The following CACNA2D4 variants were observed in gnomAD, a reference collection of about 807,000 sequenced individuals.
The protein encoded by CACNA2D4 is calcium voltage-gated channel auxiliary subunit alpha2delta 4.
CACNA2D4 carries 157 observed loss-of-function variants against 163.8 expected under a neutral mutation model. The observed-to-expected ratio is 0.96, with a 90% CI of 0.84 to 1.09. The LOEUF (loss-of-function observed/expected upper bound fraction) is 1.09. Ranked by LOEUF, CACNA2D4 falls within the 50% of genes least tolerant of loss-of-function variation. The probability of loss-of-function intolerance (pLI) is 0.00; values close to 1 mark genes in which losing one functional copy is unlikely to be tolerated. For synonymous variants in CACNA2D4, 598 were observed against 586.9 expected (o/e 1.02, Z -0.27); for missense variants, 1,410 against 1,479.9 (o/e 0.95, Z 0.78).
intron 13 of CACNA2D4, among the ~76,000 whole-genome samples, chr12:1,880,752 G>C (rs1170865941): frequency 1.3e-5 from 2 of 152,250 alleles, no homozygotes; most frequent in South Asian, 2.1e-4. Context: ...TTTAGAGTTA[G>C]AAGTAAGGCT....
intron 2 of CACNA2D4, 85 bp downstream of exon 2, chr12:1,914,769 G>A (rs1313735932): frequency 5.8e-6 from 5 of 862,600 alleles, no homozygotes; most frequent in Non-Finnish European, 9.8e-6. Context: ...GATGCCCAAG[G>A]CCCCTCACAG....
chr12:1,840,898 G>A, intron 25 of CACNA2D4, 79 bp from the exon 26 acceptor site: 1 of 1,236,076 alleles, frequency 8.1e-7, no homozygotes, highest in Non-Finnish European at 1.2e-6. Context: ...TCTTGGAATA[G>A]GAGATGGGAA....
chr12:1,908,577 G>A (rs930073866), intron 4 of CACNA2D4, among the ~76,000 whole-genome samples: 1 of 151,962 alleles, frequency 6.6e-6, no homozygotes, highest in Non-Finnish European at 1.5e-5. Flanking sequence ...TCCTCCACAC[G>A]ACCGGGTTCA....
chr12:1,918,069 G>C, intron 1 of CACNA2D4, 178 bp downstream of exon 1: 1 of 592,376 alleles, frequency 1.7e-6, no homozygotes, highest in Non-Finnish European at 3.0e-6. Flanking sequence ...GGAGGAGAAA[G>C]AGGAGGCCGG....
chr12:1,828,040 G>C lies in CACNA2D4; in HGVS notation c.2551+12699C>G. 9.4e-7 allele frequency: 1 copy of C among 1,064,294 alleles called. No individual in the cohort carries two copies. The highest frequency in any genetic ancestry group is 1.3e-6 in the Non-Finnish European group (1 of 782,202). The allele number at this position is 1,064,294 out of a possible 1,614,324, so 65.9% of individuals were successfully genotyped here. On this transcript the variant is annotated intron_variant, in intron 26 of 37. Coordinates refer to ENST00000382722, the MANE Select transcript of CACNA2D4 (RefSeq NM_172364.5). This position sits in a 1 kb window ranked among gnomAD's most constrained non-coding sequence, Gnocchi z 4.2. The stretch of plus-strand genomic sequence containing the variant: ...ACCCCTGGGCTGGAACGGGGCTCCC[G>C]CGCCTGCCTGTGCTCAGTGCTCCTC...
intron 23 of CACNA2D4, among the ~76,000 whole-genome samples, chr12:1,851,692 TTTTC>T (rs869132490): frequency 0.016 from 2,028 of 126,492 alleles, 74 homozygotes; most frequent in Admixed American, 0.061. Flanking sequence ...TTTTTTTTTT[TTTTC>T]CAGAGATTTC....
chr12:1,800,703 A>G (rs377440627), intron 31 of CACNA2D4: 31 of 594,418 alleles, frequency 5.2e-5, no homozygotes, highest in African/African-American at 4.5e-4. Flanking sequence ...GAGACGAGTC[A>G]AGCCCTCATC....
At chr12:1,907,388 T>TC in intron 6 of CACNA2D4, 52 bp downstream of exon 6, 1 of 1,588,740 alleles carries the variant, frequency 6.3e-7, no homozygotes, top group Non-Finnish European at 8.6e-7. Context: ...GCCCCTATTA[T>TC]TTCCAGAGAA....
In CACNA2D4 at chr12:1,797,343, G is replaced by A. The variant is rs932862776; in HGVS notation, c.3113+75C>T. ...GGAGCCGTTTCCCGGGGGTTCCGGG[G>A]CCCTGCCCGCACTTCCGCCTTGCCG... On this transcript the variant is annotated intron_variant, in intron 35 of 37. Coordinates refer to ENST00000382722, the MANE Select transcript of CACNA2D4 (RefSeq NM_172364.5). 15 of 1,105,706 alleles carry A rather than the reference G, an allele frequency of 1.4e-5. No individual in the cohort carries two copies. The African/African-American group carries it at 1.4e-4, about 10-fold the overall frequency. 68.5% of individuals were successfully genotyped at this position (1,105,706 alleles called of 1,614,324 possible). A position where few individuals can be genotyped will look rare whatever the true frequency, so the allele number is the denominator to read the frequency against.
chr12:1,872,959 G>C (rs11062012), intron 18 of CACNA2D4, among the ~76,000 whole-genome samples: 120,273 of 152,126 alleles, frequency 0.79, 47,778 homozygotes, highest in East Asian at 0.88. Flanking sequence ...AGGCCTTCTA[G>C]AGCAGTGGTT....
intron 18 of CACNA2D4, among the ~76,000 whole-genome samples, chr12:1,861,631 C>T (rs186684373): frequency 5.3e-5 from 8 of 152,106 alleles, no homozygotes; most frequent in South Asian, 2.1e-4. Flanking sequence ...TTAGTAGAGA[C>T]GGGGTTTCAC....
rs1229874001 is a variant in CACNA2D4 at position 1,828,900 on chromosome 12, A to G, written c.2551+11839T>C. ...TGAGAATTCTCTTTATATGTGGCAA[A>G]GGGACCAGGTCAGCAAGGGCTGGTC... On this transcript the variant is annotated intron_variant, in intron 26 of 37. Transcript: ENST00000382722. This position sits in a 1 kb window ranked among gnomAD's most constrained non-coding sequence, Gnocchi z 4.2. 1.3e-5 allele frequency among the ~76,000 whole-genome samples: 2 copies of G among 152,188 alleles called. No homozygotes were observed. Among genetic ancestry groups the G allele is most frequent in the Admixed American group, 6.5e-5 (1 of 15,284 alleles).
intron 2 of CACNA2D4, 67 bp from the exon 3 acceptor site, chr12:1,913,206 G>C: frequency 9.2e-7 from 1 of 1,083,196 alleles, no homozygotes; most frequent in Admixed American, 1.8e-5. Context: ...ACCTGTGTAT[G>C]CATGGCCTCC....
chr12:1,887,061 AT>A lies in CACNA2D4; in HGVS notation c.789del (p.Lys263AsnfsTer30). 6.3e-7 allele frequency: 1 copy of A among 1,587,052 alleles called. No homozygotes were observed. The highest frequency in any genetic ancestry group is 8.6e-7 in the Non-Finnish European group (1 of 1,163,872). On this transcript the variant is annotated frameshift_variant, in exon 7 of 38. Transcript: ENST00000382722. LOFTEE classifies it high-confidence loss of function. ...TGFFRIYPGI[K>X]WTPDENGVIT... ...ATGACTCCATTCTCATCAGGTGTCC[AT>A]TTTATACCTGGGAGAATAAAGACTC...
chr12:1,827,253 C>G (rs914978312), intron 26 of CACNA2D4, among the ~76,000 whole-genome samples: 2 of 150,706 alleles, frequency 1.3e-5, no homozygotes, highest in Admixed American at 1.3e-4. Context: ...AGCACACAGC[C>G]TGTGTCCCAG....
At chr12:1,915,746 T>A (rs1866958204) in intron 1 of CACNA2D4, among the ~76,000 whole-genome samples, 1 of 152,210 alleles carries the variant, frequency 6.6e-6, no homozygotes. Context: ...CCCACCATCT[T>A]GGCCAGGCTG....
rs1461909558 is a variant in CACNA2D4 at position 1,795,792 on chromosome 12, AAAGG to A, written c.3114-16_3114-13del. On this transcript the variant is annotated splice_polypyrimidine_tract_variant and intron_variant, in intron 35 of 37. Coordinates refer to ENST00000382722, the MANE Select transcript of CACNA2D4 (RefSeq NM_172364.5). Reference sequence around the variant, plus strand: ...GCACCACAAATACCCTGCAGCAAAGAAAGGGAGTCGAGGATGGCTCCGTGGCGAC... The same window carrying A: ...GCACCACAAATACCCTGCAGCAAAGAGAGTCGAGGATGGCTCCGTGGCGAC... 3.2e-6 allele frequency: 5 copies of A among 1,562,666 alleles called. No individual in the cohort carries two copies. Among genetic ancestry groups the A allele is most frequent in the Non-Finnish European group, 4.4e-6 (5 of 1,133,212 alleles).
At position 1,833,355 on chromosome 12, in the gene CACNA2D4, T is replaced by C. The variant is rs1243873408; in HGVS notation, c.2551+7384A>G. 6.6e-6 allele frequency among the ~76,000 whole-genome samples: 1 copy of C among 152,074 alleles called. No individual in the cohort carries two copies. The highest frequency in any genetic ancestry group is 2.4e-5 in the African/African-American group (1 of 41,384). On this transcript the variant is annotated intron_variant, in intron 26 of 37. Coordinates refer to ENST00000382722, the MANE Select transcript of CACNA2D4 (RefSeq NM_172364.5). The surrounding 1 kb of genome is among the most constrained non-coding windows in gnomAD (Gnocchi z 4.2). ...AGCTGAAAGAGGGCCAGAATCCAAC[T>C]TTCACTTCCTAGGGGAGGTCTAGAC...
chr12:1,811,591 G>A (rs1354750075), intron 27 of CACNA2D4, 71 bp downstream of exon 27: 2 of 1,453,996 alleles, frequency 1.4e-6, no homozygotes, highest in Non-Finnish European at 1.9e-6. Context: ...CCAAGGGGAG[G>A]GAGAGGGGGT....
Sources: allele counts gnomAD v4.1 joint callset (sites outside exome capture counted in the v4.1 genomes callset), GRCh38; gene constraint gnomAD v4.1.1; non-coding constraint Gnocchi (gnomAD v3.1); transcripts MANE v1.5; gene names NCBI Gene and HGNC (gene_info 2026-07-23, HGNC 2026-07-21).